Variants in ZNF12 observed in about 807,000 individuals in gnomAD.
The protein encoded by ZNF12 is gonadotropin inducible transcription repressor 3.
In ZNF12, 34 loss-of-function variants were observed where a neutral mutation model predicts 66.6. The observed-to-expected ratio is 0.51, with a 90% CI of 0.39 to 0.68. ZNF12 has a LOEUF of 0.68. ZNF12 is among the 30% of genes least tolerant of loss of function. The pLI is 0.00. For missense variants in ZNF12, 697 were observed against 826.9 expected (o/e 0.84, Z 1.93); for synonymous variants, 320 against 278.9 (o/e 1.15, Z -1.47).
At chr7:6,703,399 G>A (rs1780289553) in intron 2 of ZNF12, among the ~76,000 whole-genome samples, 1 of 152,192 alleles carries the variant, frequency 6.6e-6, no homozygotes, top group African/African-American at 2.4e-5. Context: ...CAACAGCAGG[G>A]AGGGGATAGG....
In ZNF12 at chr7:6,690,931, A is replaced by G; in HGVS notation, c.2011T>C (p.Tyr671His). ...TGGCTGTTGAATGCTGATTTGTGGT[A>G]GAATTTTTTTCCACATTCAGTACAC... ...YECTECGKKF[Y>H]HKSAFNSHQR... The change falls in exon 5 of 5, where the codon TAC (tyrosine) becomes CAC (histidine). Residue 671 changes from tyrosine (Y) to histidine (H), a missense_variant. This residue lies in a region of ZNF12 where 401 missense variants were observed against 519.0 expected (regional missense o/e 0.77). Transcript: ENST00000405858. 6.2e-7 allele frequency: 1 copy of G among 1,614,130 alleles called. No individual in the cohort carries two copies. Among genetic ancestry groups the G allele is most frequent in the Non-Finnish European group, 8.5e-7 (1 of 1,179,962 alleles).
chr7:6,701,620 T>A (rs1780244122), intron 2 of ZNF12, among the ~76,000 whole-genome samples: 1 of 152,140 alleles, frequency 6.6e-6, no homozygotes. Context: ...AGGATGCAGC[T>A]GCTCTCTCCC....
intron 2 of ZNF12, among the ~76,000 whole-genome samples, chr7:6,704,617 G>T (rs973340097): frequency 6.9e-6 from 1 of 144,994 alleles, no homozygotes; most frequent in Non-Finnish European, 1.5e-5. Context: ...GCAGATGCCT[G>T]TAATCCCAGC....
Position 6,705,028 on chromosome 7 carries a change from G to A in ZNF12, c.15+131C>T, listed in dbSNP as rs1158494109. On this transcript the variant is annotated intron_variant, in intron 2 of 4. Transcript: ENST00000405858. This position sits in a 1 kb window ranked among gnomAD's most constrained non-coding sequence, Gnocchi z 4.0. The stretch of plus-strand genomic sequence containing the variant: ...TATGATAAAAAGGCTTGGTGCTGAT[G>A]GCTACTGTTCTGTCTGACCAAATCT... 2.3e-5 allele frequency: 24 copies of A among 1,036,852 alleles called. No individual in the cohort carries two copies. The highest frequency in any genetic ancestry group is 3.3e-5 in the Non-Finnish European group (24 of 734,186). The allele number at this position is 1,036,852 out of a possible 1,614,324, so 64.2% of individuals were successfully genotyped here.
At position 6,706,690 on chromosome 7, in the gene ZNF12, G is replaced by A. The variant is rs1780364759; in HGVS notation, c.-309C>T. Reference sequence around the variant, plus strand: ...GAGGACGCACACGGGCCGGGCCCGGGTCCCGCCGCCCCTTCGCCTCCGCCG... The same window carrying A: ...GAGGACGCACACGGGCCGGGCCCGGATCCCGCCGCCCCTTCGCCTCCGCCG... On this transcript the variant is annotated 5_prime_UTR_variant, in exon 1 of 5. Transcript: ENST00000405858. The A allele has an allele frequency of 1.8e-5, 5 of 274,430 alleles. No homozygotes were observed. The highest frequency in any genetic ancestry group is 1.4e-4 in the South Asian group (5 of 35,316). The allele number at this position is 274,430 out of a possible 1,614,324, so 17.0% of individuals were successfully genotyped here.
chr7:6,705,481 G>A lies in ZNF12; in HGVS notation c.-50-258C>T, dbSNP rs975051045. ...ATACTGGATCCTACTGAAATAATCT[G>A]CCATCATTAAATGCAAGATTTAAAA... On this transcript the variant is annotated intron_variant, in intron 1 of 4. Transcript: ENST00000405858. The surrounding 1 kb of genome is among the most constrained non-coding windows in gnomAD (Gnocchi z 4.0). Among the ~76,000 whole-genome samples, 2 of 152,210 alleles carry A rather than the reference G, an allele frequency of 1.3e-5. No homozygotes were observed. Among genetic ancestry groups the A allele is most frequent in the Middle Eastern group, 3.2e-3 (1 of 316 alleles).
At chr7:6,700,279 C>T (rs1394450881) in intron 2 of ZNF12, among the ~76,000 whole-genome samples, 9 of 114,278 alleles carry the variant, frequency 7.9e-5, no homozygotes, top group African/African-American at 2.6e-4. Context: ...AGCAAGACTC[C>T]GTCTGAGAGG....
Position 6,691,836 on chromosome 7 carries a change from G to A in ZNF12, c.1106C>T (p.Thr369Ile). Residue 369 changes from threonine (T) to isoleucine (I), a missense_variant, in exon 5 of 5, where the codon ACA (threonine) becomes ATA (isoleucine). Thr to Ile is a moderately conservative substitution (Grantham distance 89). Transcript: ENST00000405858. ...TCCTGAATGTGTTCTCTGATGTTGTGTGAGGTGTGTCTTCTGGCAAAAGGA... is the reference window on the plus strand; with the variant it reads ...TCCTGAATGTGTTCTCTGATGTTGTATGAGGTGTGTCTTCTGGCAAAAGGA... ...GKSFCQKTHL[T>I]QHQRTHSGER... 6.2e-6 allele frequency: 10 copies of A among 1,614,094 alleles called. No homozygotes were observed. The highest frequency in any genetic ancestry group is 8.5e-6 in the Non-Finnish European group (10 of 1,179,986).
At chr7:6,703,178 C>G (rs902072948) in intron 2 of ZNF12, among the ~76,000 whole-genome samples, 5 of 152,174 alleles carry the variant, frequency 3.3e-5, no homozygotes, top group African/African-American at 1.2e-4. Flanking sequence ...CACAGTCTTC[C>G]CCATCCCAGC....
Position 6,698,035 on chromosome 7 carries a change from G to A in ZNF12, c.16-224C>T, listed in dbSNP as rs10231608. On this transcript the variant is annotated intron_variant, in intron 2 of 4. Coordinates refer to ENST00000405858, the MANE Select transcript of ZNF12 (RefSeq NM_016265.4). This position sits in a 1 kb window ranked among gnomAD's most constrained non-coding sequence, Gnocchi z 4.4. ...CAAAAAAACAACACTGGGATTGCACGGTGAGCCAGAAACAATCCTGGCTGT... is the reference window on the plus strand; with the variant it reads ...CAAAAAAACAACACTGGGATTGCACAGTGAGCCAGAAACAATCCTGGCTGT... 5.2e-3 allele frequency: 3,776 copies of A among 729,580 alleles called. 80 individuals carry two copies. The African/African-American group carries it at 0.055, about 11-fold the overall frequency. 45.2% of individuals were successfully genotyped at this position (729,580 alleles called of 1,614,324 possible).
At chr7:6,703,288 C>T (rs183481298) in intron 2 of ZNF12, among the ~76,000 whole-genome samples, 8 of 152,170 alleles carry the variant, frequency 5.3e-5, no homozygotes, top group Non-Finnish European at 7.4e-5. Context: ...GAGAAATACT[C>T]GACATGGGAA....
intron 2 of ZNF12, among the ~76,000 whole-genome samples, chr7:6,703,462 C>T (rs892501529): frequency 2.0e-5 from 3 of 152,054 alleles, no homozygotes; most frequent in African/African-American, 4.8e-5. Flanking sequence ...AAAACAATCG[C>T]GAGGTCAGAA....
At chr7:6,704,290 G>A (rs910535453) in intron 2 of ZNF12, 3 of 151,310 alleles carry the variant, frequency 2.0e-5, no homozygotes, top group African/African-American at 7.3e-5. Flanking sequence ...ACTCCAGCCT[G>A]GGCAACAGAG....
rs1308481483 is a variant in ZNF12 at position 6,697,175 on chromosome 7, A to G, written c.238+164T>C. Among the ~76,000 whole-genome samples the G allele has an allele frequency of 1.3e-5, 2 of 152,160 alleles. No individual in the cohort carries two copies. Among genetic ancestry groups the G allele is most frequent in the African/African-American group, 2.4e-5 (1 of 41,424 alleles). On this transcript the variant is annotated intron_variant, in intron 4 of 4. Transcript: ENST00000405858. This position sits in a 1 kb window ranked among gnomAD's most constrained non-coding sequence, Gnocchi z 6.1. ...GCAAGCACAGAAAAGCTCCATAAAC[A>G]TAAGTTCTTACGGGGAAGGAAGAAG...
chr7:6,706,174 C>T (rs1353598967), intron 1 of ZNF12, among the ~76,000 whole-genome samples: 3 of 152,144 alleles, frequency 2.0e-5, no homozygotes, highest in African/African-American at 7.2e-5. Flanking sequence ...CGTTTAGATA[C>T]GGTAGCAATC....
chr7:6,703,895 T>A (rs117408417), intron 2 of ZNF12, among the ~76,000 whole-genome samples: 2 of 152,214 alleles, frequency 1.3e-5, no homozygotes, highest in African/African-American at 2.4e-5. Flanking sequence ...TGCTGGATTA[T>A]TGGCAACCTT....
chr7:6,690,958 C>G lies in ZNF12; in HGVS notation c.1984G>C (p.Glu662Gln). The change falls in exon 5 of 5, where the codon GAG (glutamate) becomes CAG (glutamine). Residue 662 changes from glutamate (E) to glutamine (Q), a missense_variant. Glu to Gln is a conservative substitution (Grantham distance 29). This residue lies in a region of ZNF12 where 401 missense variants were observed against 519.0 expected (regional missense o/e 0.77). Transcript: ENST00000405858. ...YRTHSGEKPY[E>Q]CTECGKKFYH... ...AATTTTTTTCCACATTCAGTACACTCATAGGGTTTCTCTCCTGAATGAGTT... is the reference window on the plus strand; with the variant it reads ...AATTTTTTTCCACATTCAGTACACTGATAGGGTTTCTCTCCTGAATGAGTT... 1 of 1,614,156 alleles carries G rather than the reference C, an allele frequency of 6.2e-7. No homozygotes were observed. The highest frequency in any genetic ancestry group is 8.5e-7 in the Non-Finnish European group (1 of 1,179,994).
chr7:6,703,887 C>G (rs963212063), intron 2 of ZNF12, among the ~76,000 whole-genome samples: 1 of 152,228 alleles, frequency 6.6e-6, no homozygotes, highest in Non-Finnish European at 1.5e-5. Flanking sequence ...AGAGCATGTG[C>G]TGGATTATTG....
chr7:6,695,449 C>G (rs1191653676), intron 4 of ZNF12, among the ~76,000 whole-genome samples: 2 of 151,910 alleles, frequency 1.3e-5, no homozygotes, highest in African/African-American at 4.8e-5. Context: ...GCAAGCAATC[C>G]TCCTGCCTCA....
Sources: allele counts gnomAD v4.1 joint callset (sites outside exome capture counted in the v4.1 genomes callset), GRCh38; gene constraint gnomAD v4.1.1; regional missense constraint gnomAD v4.1.1; non-coding constraint Gnocchi (gnomAD v3.1); transcripts MANE v1.5; gene names NCBI Gene and HGNC (gene_info 2026-07-23, HGNC 2026-07-21).